Variants in R3HDM2 observed in about 807,000 individuals in gnomAD.
The protein encoded by R3HDM2 is R3H domain containing 2, also known as R3H domain-containing protein 2.
A neutral mutation model predicts 124.5 loss-of-function variants in R3HDM2; 38 were observed. The ratio of observed to expected loss-of-function variants is 0.31; its 90% CI spans 0.24 to 0.40. The LOEUF (loss-of-function observed/expected upper bound fraction) is 0.40. Among genes scored for constraint, R3HDM2 ranks in the 10% least tolerant of loss-of-function variants. The probability of loss-of-function intolerance (pLI) is 1.00; values close to 1 mark genes in which losing one functional copy is unlikely to be tolerated. For synonymous variants in R3HDM2, 391 were observed against 448.0 expected (o/e 0.87, Z 1.61); for missense variants, 869 against 1,236.9 (o/e 0.70, Z 4.46).
chr12:57,256,182 A>C (rs1565812079), intron 22 of R3HDM2, 108 bp from the exon 23 acceptor site: 2 of 1,144,428 alleles, frequency 1.7e-6, no homozygotes. Context: ...AGAGGACCCC[A>C]CCCCACTAGG....
intron 1 of R3HDM2, among the ~76,000 whole-genome samples, chr12:57,422,904 C>T (rs1272865700): frequency 6.6e-6 from 1 of 151,908 alleles, no homozygotes. Flanking sequence ...GAGGTGGAGA[C>T]AGCAGTGAGT....
At chr12:57,300,820 A>T (rs2138706032) in intron 4 of R3HDM2, among the ~76,000 whole-genome samples, 1 of 152,288 alleles carries the variant, frequency 6.6e-6, no homozygotes, top group Admixed American at 6.5e-5. Context: ...GAGTAAGAGA[A>T]AGGCCAAGCA....
At chr12:57,283,600 G>T (rs1168402652) in intron 13 of R3HDM2, among the ~76,000 whole-genome samples, 1 of 152,126 alleles carries the variant, frequency 6.6e-6, no homozygotes, top group Non-Finnish European at 1.5e-5. Context: ...TTAGTCAGGT[G>T]TGGTGGCGCA....
Position 57,296,844 on chromosome 12 carries a change from AAT to A in R3HDM2, c.561-295_561-294del. 1 of 271,822 alleles carries A rather than the reference AAT, an allele frequency of 3.7e-6. No individual in the cohort carries two copies. The highest frequency in any genetic ancestry group is 7.0e-6 in the Non-Finnish European group (1 of 142,848). 16.8% of individuals were successfully genotyped at this position (271,822 alleles called of 1,614,324 possible). The stretch of plus-strand genomic sequence containing the variant: ...TTTGGGAGGCCAAGGCAGGCGGATC[AAT>A]TGAGTTCAGGAGTTCAAGACCAGCC... On this transcript the variant is annotated intron_variant, in intron 8 of 23. Transcript: ENST00000402412. The surrounding 1 kb of genome is among the most constrained non-coding windows in gnomAD (Gnocchi z 4.5).
chr12:57,305,226 T>C (rs1329006957), intron 3 of R3HDM2, among the ~76,000 whole-genome samples: 1 of 152,136 alleles, frequency 6.6e-6, no homozygotes, highest in Non-Finnish European at 1.5e-5. Context: ...TACATACTAC[T>C]GTGAACCTTG....
At chr12:57,257,643 C>A (rs1263543239) in intron 21 of R3HDM2, among the ~76,000 whole-genome samples, 1 of 152,130 alleles carries the variant, frequency 6.6e-6, no homozygotes, top group African/African-American at 2.4e-5. Flanking sequence ...AAGACCATAC[C>A]GTTTCTTACA....
chr12:57,268,598 A>G, intron 17 of R3HDM2, 141 bp from the exon 18 acceptor site: 6 of 905,338 alleles, frequency 6.6e-6, no homozygotes, highest in Non-Finnish European at 9.9e-6. Flanking sequence ...CATCTGCCTA[A>G]AGAAAATGTT....
At chr12:57,368,664 CAGG>C (rs1410572146) in intron 2 of R3HDM2, among the ~76,000 whole-genome samples, 1 of 152,162 alleles carries the variant, frequency 6.6e-6, no homozygotes, top group East Asian at 1.9e-4. Flanking sequence ...ACACCACTGA[CAGG>C]AGGAGTTACA....
chr12:57,392,643 G>C (rs545216050), intron 2 of R3HDM2, among the ~76,000 whole-genome samples: 33 of 152,178 alleles, frequency 2.2e-4, no homozygotes, highest in African/African-American at 7.7e-4. Flanking sequence ...GCCCAGGCTA[G>C]AGTGCAATGG....
intron 1 of R3HDM2, among the ~76,000 whole-genome samples, chr12:57,427,382 G>T (rs1868249665): frequency 6.9e-6 from 1 of 144,622 alleles, no homozygotes; most frequent in Admixed American, 7.0e-5. Context: ...CAAAGTCTCA[G>T]TCTGTTGCCC....
intron 2 of R3HDM2, among the ~76,000 whole-genome samples, chr12:57,386,155 G>GCTCGCAGCCCTCGCAGCC (rs71084750): frequency 3.4e-5 from 5 of 147,368 alleles, no homozygotes; most frequent in African/African-American, 7.3e-5. Context: ...TGCTGGCAGC[G>GCTCGCAGCCCTCGCAGCC]CTCGCAGCCC....
chr12:57,334,130 A>G (rs2058568119), intron 2 of R3HDM2, among the ~76,000 whole-genome samples: 1 of 152,214 alleles, frequency 6.6e-6, no homozygotes, highest in South Asian at 2.1e-4. Flanking sequence ...TAGACTTAGC[A>G]CAAGCCCAAC....
At chr12:57,360,750 A>G (rs1043449951) in intron 2 of R3HDM2, among the ~76,000 whole-genome samples, 4 of 152,236 alleles carry the variant, frequency 2.6e-5, no homozygotes, top group African/African-American at 9.6e-5. Flanking sequence ...ATATGGATGC[A>G]GGATTGCTTT....
intron 2 of R3HDM2, among the ~76,000 whole-genome samples, chr12:57,356,680 A>G (rs561496341): frequency 2.0e-5 from 3 of 152,260 alleles, no homozygotes; most frequent in African/African-American, 4.8e-5. Context: ...AGACTTCAGC[A>G]GTAAAGCCAT....
At chr12:57,382,913 C>T (rs2065118617) in intron 2 of R3HDM2, among the ~76,000 whole-genome samples, 1 of 151,848 alleles carries the variant, frequency 6.6e-6, no homozygotes, top group African/African-American at 2.4e-5. Context: ...TCTTGTTGCC[C>T]AGTCTGGAGT....
chr12:57,417,384 CAAAAAAAA>C (rs542470589), intron 1 of R3HDM2, among the ~76,000 whole-genome samples: 1 of 110,244 alleles, frequency 9.1e-6, no homozygotes, highest in Non-Finnish European at 1.9e-5. Context: ...AATTCCATTT[CAAAAAAAA>C]AAAAAAAAGA....
chr12:57,299,535 C>A, intron 5 of R3HDM2, 57 bp from the exon 6 acceptor site: 1 of 1,473,338 alleles, frequency 6.8e-7, no homozygotes, highest in South Asian at 1.2e-5. Flanking sequence ...TCTTGCAGCT[C>A]CCTTGGAATC....
intron 1 of R3HDM2, among the ~76,000 whole-genome samples, chr12:57,406,552 G>T (rs1400136322): frequency 6.6e-6 from 1 of 152,036 alleles, no homozygotes; most frequent in African/African-American, 2.4e-5. Flanking sequence ...GATGAGGGGA[G>T]TATCTTTTAT....
chr12:57,403,551 G>A (rs2068242018), intron 1 of R3HDM2, among the ~76,000 whole-genome samples: 1 of 152,036 alleles, frequency 6.6e-6, no homozygotes, highest in South Asian at 2.1e-4. Flanking sequence ...GCTCACACCT[G>A]TTACTCCAGC....
Sources: gnomAD v4.1 joint callset for allele counts (sites outside exome capture counted in the v4.1 genomes callset) on GRCh38, gnomAD v4.1.1 for gene constraint, Gnocchi (gnomAD v3.1) non-coding constraint, MANE v1.5 for transcripts, NCBI Gene and HGNC (gene_info 2026-07-23, HGNC 2026-07-21) for gene names.